Variants in BRDT observed in about 807,000 individuals in gnomAD.
BRDT encodes the protein bromodomain testis-specific protein.
In BRDT, 77 loss-of-function variants were observed where a neutral mutation model predicts 113.9. The ratio of observed to expected loss-of-function variants is 0.68; its 90% CI spans 0.56 to 0.82. BRDT has a LOEUF of 0.82. Among genes scored for constraint, BRDT ranks in the 40% least tolerant of loss-of-function variants. The pLI is 0.00. For synonymous variants in BRDT, 358 were observed against 366.5 expected, an observed-to-expected ratio of 0.98 and a Z score of 0.26; for missense variants, 1,027 against 1,105.4, an observed-to-expected ratio of 0.93 and a Z score of 1.01.
At chr1:91,958,214 C>CTT (rs35049237) in intron 1 of BRDT, among the ~76,000 whole-genome samples, 60,958 of 126,876 alleles carry the variant, frequency 0.48, 14,951 homozygotes, top group East Asian at 0.54. Context: ...AACTCATGCC[C>CTT]TTTTTTTTTT....
intron 14 of BRDT, among the ~76,000 whole-genome samples, chr1:91,992,844 C>T (rs1157660498): frequency 6.6e-6 from 1 of 152,050 alleles, no homozygotes; most frequent in African/African-American, 2.4e-5. Flanking sequence ...CCTTCCCATT[C>T]CTTTTGAATA....
chr1:91,985,068 G>A (rs1685079493), intron 12 of BRDT, among the ~76,000 whole-genome samples: 1 of 151,656 alleles, frequency 6.6e-6, no homozygotes, highest in South Asian at 2.1e-4. Flanking sequence ...AATAGGCTTT[G>A]ATTATTATTA....
At chr1:91,963,871 G>A (rs1299320949) in intron 2 of BRDT, among the ~76,000 whole-genome samples, 6 of 144,062 alleles carry the variant, frequency 4.2e-5, no homozygotes, top group African/African-American at 1.6e-4. Flanking sequence ...CTAGTTTCTA[G>A]AATATGGCCT....
intron 15 of BRDT, among the ~76,000 whole-genome samples, chr1:92,000,667 GCT>G (rs1190949543): frequency 6.6e-6 from 1 of 152,180 alleles, no homozygotes; most frequent in African/African-American, 2.4e-5. Context: ...AAAGACAGCA[GCT>G]CAGTTTTGAT....
At chr1:92,003,975 A>G (rs1687071959) in intron 16 of BRDT, among the ~76,000 whole-genome samples, 1 of 152,140 alleles carries the variant, frequency 6.6e-6, no homozygotes, top group Non-Finnish European at 1.5e-5. Flanking sequence ...AAGGAAAAAT[A>G]TATCCATGTC....
chr1:91,983,398 G>A (rs973019755), intron 12 of BRDT, among the ~76,000 whole-genome samples: 1 of 151,636 alleles, frequency 6.6e-6, no homozygotes, highest in Admixed American at 6.6e-5. Flanking sequence ...CCAAGTAGCT[G>A]GGACTACAGG....
At chr1:91,990,800 ATTTC>A (rs1685679566) in intron 12 of BRDT, among the ~76,000 whole-genome samples, 1 of 151,920 alleles carries the variant, frequency 6.6e-6, no homozygotes, top group Admixed American at 6.6e-5. Flanking sequence ...TCACCCCTGT[ATTTC>A]TTTCTTTTTT....
chr1:92,003,197 G>T (rs1354481249), intron 16 of BRDT, among the ~76,000 whole-genome samples: 1 of 152,150 alleles, frequency 6.6e-6, no homozygotes, highest in Non-Finnish European at 1.5e-5. Flanking sequence ...GACAGGGAGG[G>T]ATGTTTTGAC....
At chr1:91,977,540 T>A in intron 6 of BRDT, 147 bp downstream of exon 6, 1 of 678,100 alleles carries the variant, frequency 1.5e-6, no homozygotes, top group Non-Finnish European at 2.3e-6. Context: ...TGGAAAATTT[T>A]AAAATATATC....
chr1:91,952,206 G>A (rs1280210508), intron 1 of BRDT: 1 of 152,178 alleles, frequency 6.6e-6, no homozygotes, highest in East Asian at 1.9e-4. Flanking sequence ...GATGTTCCTG[G>A]GAGGTCAAGT....
chr1:91,998,614 TAGG>T (rs1686565520), intron 15 of BRDT, among the ~76,000 whole-genome samples: 1 of 152,178 alleles, frequency 6.6e-6, no homozygotes, highest in South Asian at 2.1e-4. Context: ...TGCTATCTCA[TAGG>T]AGAAATAAAC....
Position 92,007,956 on chromosome 1 carries a change from C to T in BRDT, c.2775+2657C>T, listed in dbSNP as rs1373782674. ...TTTTGAGGTGGAGTTTCGCTCTTGT[C>T]GCCCAGCCTGGAATGCAATGGTGCA... On this transcript the variant is annotated intron_variant, in intron 18 of 18. Transcript: ENST00000399546. Among the ~76,000 whole-genome samples, 15 of 151,966 alleles carry T rather than the reference C, an allele frequency of 9.9e-5. No individual in the cohort carries two copies. In the South Asian group the frequency reaches 2.3e-3, roughly 23 times the overall value.
In BRDT at chr1:92,012,064, T is replaced by A. The variant is rs538303025; in HGVS notation, c.2776-2142T>A. Among the ~76,000 whole-genome samples the A allele has an allele frequency of 2.0e-5, 3 of 152,200 alleles. No homozygotes were observed. In the East Asian group the frequency reaches 5.8e-4, roughly 29 times the overall value. Reference sequence around the variant, plus strand: ...TGGCTCACGCCTATAATCTTAACACTTTGAGAGGCCGAGGCAGGCAGATAA... The same window carrying A: ...TGGCTCACGCCTATAATCTTAACACATTGAGAGGCCGAGGCAGGCAGATAA... On this transcript the variant is annotated intron_variant, in intron 18 of 18. Coordinates refer to ENST00000399546, the MANE Select transcript of BRDT (RefSeq NM_207189.4).
rs1482098410 is a variant in BRDT at position 92,002,086 on chromosome 1, G to T, written c.2325G>T (p.Met775Ile). The T allele has an allele frequency of 1.2e-6, 2 of 1,613,938 alleles. No individual in the cohort carries two copies. Among genetic ancestry groups the T allele is most frequent in the South Asian group, 1.1e-5 (1 of 91,066 alleles). ...SEQLSNGITV[M>I]HPSGDSDTTM... is the part of the protein sequence containing the mutation. ...AGCTCTCAAATGGCATAACTGTGAT[G>T]CATCCATCTGGTGATAGTGACACAA... The change falls in exon 16 of 19, where the codon ATG becomes ATT. Residue 775 changes from methionine (M) to isoleucine (I), a missense_variant. By Grantham distance (10) the Met-to-Ile change is conservative (BLOSUM62 1). Transcript: ENST00000399546.
intron 12 of BRDT, among the ~76,000 whole-genome samples, chr1:91,986,981 A>C (rs1340124529): frequency 6.6e-6 from 1 of 151,836 alleles, no homozygotes. Context: ...ACTGTTGCCA[A>C]GGCTGGAGGG....
chr1:91,992,438 A>G, intron 14 of BRDT, 124 bp downstream of exon 14: 1 of 630,518 alleles, frequency 1.6e-6, no homozygotes. Flanking sequence ...AAACCACAGC[A>G]AGTATATTCA....
In BRDT at chr1:91,964,708, T is replaced by C; in HGVS notation, c.274T>C (p.Ser92Pro). The stretch of plus-strand genomic sequence containing the variant: ...GGAGAATAAATATTATGCGAAGGCT[T>C]CAGAATGTATAGAAGACTTCAATAC... Reference protein sequence around the residue: ...RLENKYYAKASECIEDFNTMF... With the variant: ...RLENKYYAKAPECIEDFNTMF... Residue 92 changes from serine (S) to proline (P), a missense_variant, in exon 3 of 19, where the codon TCA becomes CCA. Transcript: ENST00000399546. The C allele has an allele frequency of 6.5e-7, 1 of 1,532,010 alleles. No individual in the cohort carries two copies. Among genetic ancestry groups the C allele is most frequent in the African/African-American group, 1.4e-5 (1 of 73,496 alleles). 94.9% of individuals were successfully genotyped at this position (1,532,010 alleles called of 1,614,324 possible).
chr1:92,008,074 C>T (rs547271110), intron 18 of BRDT, among the ~76,000 whole-genome samples: 26 of 152,196 alleles, frequency 1.7e-4, no homozygotes, highest in African/African-American at 4.8e-4. Context: ...CCCACCACCA[C>T]GCCTGGTAAA....
At chr1:91,998,858 A>T (rs1686587151) in intron 15 of BRDT, among the ~76,000 whole-genome samples, 1 of 152,244 alleles carries the variant, frequency 6.6e-6, no homozygotes, top group Non-Finnish European at 1.5e-5. Context: ...TAGGCAACTC[A>T]TAATTCCATG....
Sources: gnomAD v4.1 joint callset for allele counts (sites outside exome capture counted in the v4.1 genomes callset) on GRCh38, gnomAD v4.1.1 for gene constraint, MANE v1.5 for transcripts, NCBI Gene and HGNC (gene_info 2026-07-23, HGNC 2026-07-21) for gene names.